The following ITGAM variants were observed in gnomAD, a reference collection of about 807,000 sequenced individuals.
The protein encoded by ITGAM is integrin subunit alpha M.
ITGAM carries 79 observed loss-of-function variants against 137.5 expected under a neutral mutation model. The observed-to-expected ratio is 0.57, with a 90% CI of 0.48 to 0.69. The LOEUF is 0.69. ITGAM is among the 30% of genes least tolerant of loss of function. The probability of loss-of-function intolerance (pLI) is 0.00; values close to 1 mark genes in which losing one functional copy is unlikely to be tolerated. For synonymous variants in ITGAM, 583 were observed against 592.3 expected, an observed-to-expected ratio of 0.98 and a Z score of 0.23; for missense variants, 1,343 against 1,483.5, an observed-to-expected ratio of 0.91 and a Z score of 1.56.
chr16:31,273,546 C>G, intron 8 of ITGAM, 28 bp downstream of exon 8: 1 of 1,610,220 alleles, frequency 6.2e-7, no homozygotes. Flanking sequence ...CAGGTTGATG[C>G]TTCTGTGGAG....
At position 31,330,422 on chromosome 16, in the gene ITGAM, G is replaced by A; in HGVS notation, c.3174+1G>A. 2.5e-6 allele frequency: 4 copies of A among 1,612,834 alleles called. No individual in the cohort carries two copies. Among genetic ancestry groups the A allele is most frequent in the Non-Finnish European group, 3.4e-6 (4 of 1,178,780 alleles). On this transcript the variant is annotated splice_donor_variant, in intron 27 of 29. Transcript: ENST00000544665. LOFTEE classifies it high-confidence loss of function. Reference sequence around the variant, plus strand: ...CCTCTCGTTTGACTGGTACATCAAGGTGTGTGGGGTCCTGAGGCTTCGCCG... The same window carrying A: ...CCTCTCGTTTGACTGGTACATCAAGATGTGTGGGGTCCTGAGGCTTCGCCG...
Position 31,331,810 on chromosome 16 carries a change from C to A in ITGAM, c.*103C>A. The A allele has an allele frequency of 1.1e-6, 1 of 876,518 alleles. No homozygotes were observed. Among genetic ancestry groups the A allele is most frequent in the Non-Finnish European group, 1.8e-6 (1 of 568,548 alleles). The allele number at this position is 876,518 out of a possible 1,614,324, so 54.3% of individuals were successfully genotyped here. A position where few individuals can be genotyped will look rare whatever the true frequency, so the allele number is the denominator to read the frequency against. On this transcript the variant is annotated 3_prime_UTR_variant, in exon 30 of 30. Coordinates refer to ENST00000544665, the MANE Select transcript of ITGAM (RefSeq NM_000632.4). The stretch of plus-strand genomic sequence containing the variant: ...GACACGTCGGACAGCGAAGTATCCC[C>A]GACAGGACGGGCTTGGGCTTCCATT...
chr16:31,331,522 C>T (rs1012781408), intron 29 of ITGAM, 114 bp from the exon 30 acceptor site: 2 of 625,354 alleles, frequency 3.2e-6, no homozygotes, highest in Admixed American at 5.6e-5. Flanking sequence ...CCCTCCCGCC[C>T]CGCCCTCCTG....
At chr16:31,276,888 T>A in intron 10 of ITGAM, 32 bp from the exon 11 acceptor site, 1 of 1,600,830 alleles carries the variant, frequency 6.2e-7, no homozygotes, top group Non-Finnish European at 8.5e-7. Context: ...CCTTCTTCCT[T>A]CCTCATCAAC....
rs771862568 is a variant in ITGAM, at chr16:31,324,459, G to T, written c.2063G>T (p.Arg688Leu). The change falls in exon 17 of 30, where the codon CGC (arginine) becomes CTC (leucine). Residue 688 changes from arginine to leucine, a missense_variant. Coordinates refer to ENST00000544665, the MANE Select transcript of ITGAM (RefSeq NM_000632.4). The surrounding 1 kb of genome is among the most constrained non-coding windows in gnomAD (Gnocchi z 4.5). ...LALDSGRPHS[R>L]AVFNETKNST... ...CTGGACTCCGGCCGCCCACATTCCC[G>T]CGCCGTCTTCAATGAGACAAAGAAC... 6.4e-7 allele frequency: 1 copy of T among 1,563,702 alleles called. No individual in the cohort carries two copies. Among genetic ancestry groups the T allele is most frequent in the South Asian group, 1.2e-5 (1 of 84,796 alleles).
At chr16:31,263,455 T>G (rs2079727922) in intron 2 of ITGAM, among the ~76,000 whole-genome samples, 1 of 152,228 alleles carries the variant, frequency 6.6e-6, no homozygotes, top group East Asian at 1.9e-4. Context: ...GGCAGCAATT[T>G]ACACTCACAC....
intron 21 of ITGAM, among the ~76,000 whole-genome samples, chr16:31,326,330 G>C (rs931051665): frequency 6.6e-6 from 1 of 152,062 alleles, no homozygotes; most frequent in Non-Finnish European, 1.5e-5. Context: ...CCTTTCCCTA[G>C]CATAATATTA....
chr16:31,270,040 C>A (rs1363905913), intron 5 of ITGAM, among the ~76,000 whole-genome samples: 1 of 152,144 alleles, frequency 6.6e-6, no homozygotes, highest in South Asian at 2.1e-4. Flanking sequence ...GCACATTCCA[C>A]ATCACTTTAT....
At chr16:31,328,349 CATGT>C (rs2080530787) in intron 23 of ITGAM, 119 bp downstream of exon 23, 1 of 800,086 alleles carries the variant, frequency 1.2e-6, no homozygotes, top group South Asian at 1.4e-5. Context: ...GATCTCTGTG[CATGT>C]ATGTGTGCAT....
At chr16:31,302,425 T>C (rs2080208811) in intron 14 of ITGAM, among the ~76,000 whole-genome samples, 2 of 120,868 alleles carry the variant, frequency 1.7e-5, no homozygotes, top group South Asian at 4.9e-4. Context: ...TCTTTCTTTC[T>C]TTCTTCTTTC....
At chr16:31,296,249 C>T (rs536089844) in intron 12 of ITGAM, among the ~76,000 whole-genome samples, 6 of 149,706 alleles carry the variant, frequency 4.0e-5, no homozygotes, top group Non-Finnish European at 7.4e-5. Context: ...GGACTATAGG[C>T]GCCCGCCACC....
chr16:31,265,464 C>T lies in ITGAM; in HGVS notation c.204C>T (p.Tyr68=), dbSNP rs374127246. Residue 68 remains tyrosine, a synonymous_variant, in exon 3 of 30, where the codon TAC becomes TAT. Coordinates refer to ENST00000544665, the MANE Select transcript of ITGAM (RefSeq NM_000632.4). ...NQRGSLYQCD[Y]STGSCEPIRL... ...GGGGCAGCCTCTACCAGTGCGACTA[C>T]AGCACAGGCTCATGCGAGCCCATCC... 5.2e-5 allele frequency: 83 copies of T among 1,606,366 alleles called. No homozygotes were observed. Among genetic ancestry groups the T allele is most frequent in the Non-Finnish European group, 6.9e-5 (81 of 1,176,704 alleles).
In ITGAM at chr16:31,308,551, A is replaced by G. The variant is rs2080289599; in HGVS notation, c.1707+10597A>G. Among the ~76,000 whole-genome samples the G allele has an allele frequency of 2.6e-5, 4 of 151,690 alleles. No homozygotes were observed. The South Asian group carries it at 8.4e-4, about 32-fold the overall frequency. On this transcript the variant is annotated intron_variant, in intron 14 of 29. Coordinates refer to ENST00000544665, the MANE Select transcript of ITGAM (RefSeq NM_000632.4). The stretch of plus-strand genomic sequence containing the variant: ...TTGATTCTTCTCTCTTTTCTTCTTT[A>G]TTAGTCTTGCTAGGGCTCTATCAAT...
intron 28 of ITGAM, 66 bp from the exon 29 acceptor site, chr16:31,331,099 G>T: frequency 1.2e-6 from 1 of 817,210 alleles, no homozygotes; most frequent in Non-Finnish European, 2.1e-6. Flanking sequence ...GGGTGCACAC[G>T]GTGTGAATGG....
At chr16:31,261,669 T>C (rs777409915) in intron 1 of ITGAM, 23 bp from the exon 2 acceptor site, 6 of 1,520,962 alleles carry the variant, frequency 3.9e-6, no homozygotes, top group Non-Finnish European at 4.5e-6. Flanking sequence ...CTCTGCTTGA[T>C]CCTTCCCCCA....
intron 14 of ITGAM, among the ~76,000 whole-genome samples, chr16:31,308,393 G>A (rs1414396116): frequency 6.6e-6 from 1 of 152,030 alleles, no homozygotes; most frequent in Non-Finnish European, 1.5e-5. Flanking sequence ...TGTATGTGTC[G>A]AGGAATTTAT....
chr16:31,331,329 G>T, intron 29 of ITGAM, 54 bp downstream of exon 29: 5 of 1,012,212 alleles, frequency 4.9e-6, no homozygotes, highest in Non-Finnish European at 7.7e-6. Context: ...GCCTCGCGCT[G>T]CAGCTCCGTG....
At chr16:31,261,513 GT>G (rs796773359) in intron 1 of ITGAM, among the ~76,000 whole-genome samples, 178 bp from the exon 2 acceptor site, 11 of 144,830 alleles carry the variant, frequency 7.6e-5, no homozygotes, top group Non-Finnish European at 1.2e-4. Context: ...ATTAGTTTTT[GT>G]TTTTTTTTTG....
intron 1 of ITGAM, 75 bp from the exon 2 acceptor site, chr16:31,261,617 C>T (rs2079699876): frequency 2.2e-6 from 2 of 919,624 alleles, no homozygotes; most frequent in Middle Eastern, 2.1e-4. Context: ...CTCAGCCCTC[C>T]AAAGTGCTAG....
Sources: gnomAD v4.1 joint callset for allele counts (sites outside exome capture counted in the v4.1 genomes callset) on GRCh38, gnomAD v4.1.1 for gene constraint, Gnocchi (gnomAD v3.1) non-coding constraint, MANE v1.5 for transcripts, NCBI Gene and HGNC (gene_info 2026-07-23, HGNC 2026-07-21) for gene names.